The following INPP5A variants were observed in gnomAD, a reference collection of about 807,000 sequenced individuals.
INPP5A encodes the protein 43 kDa inositol polyphosphate 5-phophatase.
A neutral mutation model predicts 65.2 loss-of-function variants in INPP5A; 14 were observed. The ratio of observed to expected loss-of-function variants is 0.21; its 90% CI spans 0.14 to 0.34. The LOEUF is 0.34. INPP5A is among the 10% of genes least tolerant of loss of function. The probability of loss-of-function intolerance (pLI) is 1.00; values close to 1 mark genes in which losing one functional copy is unlikely to be tolerated. For missense variants in INPP5A, 431 were observed against 545.6 expected (o/e 0.79, Z 2.09); for synonymous variants, 207 against 208.3 (o/e 0.99, Z 0.05).
At chr10:132,570,914 G>C (rs747977872) in intron 1 of INPP5A, among the ~76,000 whole-genome samples, 1 of 152,196 alleles carries the variant, frequency 6.6e-6, no homozygotes, top group African/African-American at 2.4e-5. Flanking sequence ...GCCTCTCATC[G>C]GCACAGCGGC....
At chr10:132,592,665 C>A (rs2071633191) in intron 1 of INPP5A, among the ~76,000 whole-genome samples, 1 of 152,192 alleles carries the variant, frequency 6.6e-6, no homozygotes, top group African/African-American at 2.4e-5. Context: ...CCTTGGCTTC[C>A]CAAAGTGCTC....
chr10:132,735,594 T>G (rs1041938591), intron 9 of INPP5A, among the ~76,000 whole-genome samples: 1 of 152,194 alleles, frequency 6.6e-6, no homozygotes, highest in Non-Finnish European at 1.5e-5. Flanking sequence ...CCTTGCCCCC[T>G]CGGTCCTGGG....
chr10:132,775,357 T>C (rs1847046571), intron 12 of INPP5A, among the ~76,000 whole-genome samples: 2 of 151,998 alleles, frequency 1.3e-5, no homozygotes, highest in Admixed American at 1.3e-4. Context: ...AGGTATGCTT[T>C]CAGATAAGCC....
Position 132,586,916 on chromosome 10 carries a change from T to C in INPP5A, c.76-20999T>C, listed in dbSNP as rs186624378. Among the ~76,000 whole-genome samples, 240 of 152,304 alleles carry C rather than the reference T, an allele frequency of 1.6e-3. 3 individuals carry two copies. The highest frequency in any genetic ancestry group is 9.7e-3 in the South Asian group (47 of 4,830). On this transcript the variant is annotated intron_variant, in intron 1 of 15. Coordinates refer to ENST00000368594, the MANE Select transcript of INPP5A (RefSeq NM_005539.5). ...TGTGGTTCTCTGCTTGTGCCCACTT[T>C]GTGTTTGTAAATAGCGAGTCGGAGT... is the stretch of plus-strand genomic sequence containing the variant.
chr10:132,730,571 G>GTGTGGGGCT (rs1164139774), intron 9 of INPP5A, among the ~76,000 whole-genome samples: 2 of 152,254 alleles, frequency 1.3e-5, no homozygotes, highest in African/African-American at 4.8e-5. Context: ...AAGACAGCGG[G>GTGTGGGGCT]TGTGGGGCTT....
intron 11 of INPP5A, among the ~76,000 whole-genome samples, chr10:132,755,399 C>T (rs866718767): frequency 5.7e-5 from 8 of 141,256 alleles, no homozygotes; most frequent in African/African-American, 1.3e-4. Context: ...CAGGTGTGAG[C>T]GAGTGTGTGT....
At chr10:132,770,568 C>T (rs11146509) in intron 12 of INPP5A, among the ~76,000 whole-genome samples, 2,852 of 152,340 alleles carry the variant, frequency 0.019, 76 homozygotes, top group African/African-American at 0.064. Context: ...CGCAGAGCCT[C>T]GCTGGCCGCC....
At chr10:132,597,975 C>G (rs945363951) in intron 1 of INPP5A, among the ~76,000 whole-genome samples, 3 of 152,182 alleles carry the variant, frequency 2.0e-5, no homozygotes, top group Non-Finnish European at 4.4e-5. Context: ...GTGCGTGTTC[C>G]CGGGCTGTGC....
chr10:132,688,709 GAA>G (rs1845193846), intron 4 of INPP5A, among the ~76,000 whole-genome samples: 1 of 148,410 alleles, frequency 6.7e-6, no homozygotes, highest in African/African-American at 2.6e-5. Context: ...GTGCAAGTGT[GAA>G]CAAGTGCATT....
At position 132,690,463 on chromosome 10, in the gene INPP5A, T is replaced by C; in HGVS notation, c.370+8T>C. On this transcript the variant is annotated splice_region_variant and intron_variant, in intron 5 of 15. Transcript: ENST00000368594. Reference sequence around the variant, plus strand: ...ACCAGTTTGACTTTAAAGGTAAGACTGCGTGCCGTCTTCCGGGATTTTGTC... The same window carrying C: ...ACCAGTTTGACTTTAAAGGTAAGACCGCGTGCCGTCTTCCGGGATTTTGTC... 1.9e-6 allele frequency: 3 copies of C among 1,605,184 alleles called. No individual in the cohort carries two copies. Among genetic ancestry groups the C allele is most frequent in the Non-Finnish European group, 2.6e-6 (3 of 1,172,444 alleles).
At position 132,707,822 on chromosome 10, in the gene INPP5A, C is replaced by T. The variant is rs562096997; in HGVS notation, c.475-491C>T. On this transcript the variant is annotated intron_variant, in intron 6 of 15. Coordinates refer to ENST00000368594, the MANE Select transcript of INPP5A (RefSeq NM_005539.5). The surrounding 1 kb of genome is among the most constrained non-coding windows in gnomAD (Gnocchi z 5.5). ...AGAGGCATCGGTGGGTGAACGGCAT[C>T]GGTGGGTGAGAGGCATCGGTGGGTG... 2.2e-4 allele frequency among the ~76,000 whole-genome samples: 34 copies of T among 152,136 alleles called. No individual in the cohort carries two copies. The highest frequency in any genetic ancestry group is 4.1e-4 in the South Asian group (2 of 4,822).
intron 6 of INPP5A, among the ~76,000 whole-genome samples, chr10:132,701,626 C>T (rs1314859420): frequency 2.0e-5 from 3 of 152,234 alleles, no homozygotes; most frequent in Admixed American, 6.5e-5. Context: ...CTCTGGAGGA[C>T]AGTGTTGGGT....
chr10:132,625,204 C>T (rs1308924991), intron 2 of INPP5A, among the ~76,000 whole-genome samples: 5 of 150,028 alleles, frequency 3.3e-5, no homozygotes, highest in Non-Finnish European at 7.4e-5. Flanking sequence ...CTCCCTCTGA[C>T]GGCACCTCTG....
chr10:132,704,604 G>A lies in INPP5A; in HGVS notation c.475-3709G>A, dbSNP rs7898237. 5.7e-3 allele frequency among the ~76,000 whole-genome samples: 870 copies of A among 152,362 alleles called. 5 individuals carry two copies. The highest frequency in any genetic ancestry group is 0.011 in the South Asian group (55 of 4,830). ...TTGAACCTGGCAGCCTGGCAGTCCT[G>A]TCTTACCCACTGCCTTGAGGCCCTG... is the stretch of plus-strand genomic sequence containing the variant. On this transcript the variant is annotated intron_variant, in intron 6 of 15. Transcript: ENST00000368594. This position sits in a 1 kb window ranked among gnomAD's most constrained non-coding sequence, Gnocchi z 4.5.
At chr10:132,755,064 C>T (rs148711014) in intron 11 of INPP5A, among the ~76,000 whole-genome samples, 93 of 150,666 alleles carry the variant, frequency 6.2e-4, no homozygotes, top group Middle Eastern at 3.4e-3. Flanking sequence ...TGATCATATG[C>T]GTGTGTGTGA....
At position 132,727,660 on chromosome 10, in the gene INPP5A, T is replaced by A. The variant is rs562446648; in HGVS notation, c.732+755T>A. Among the ~76,000 whole-genome samples, 1 of 152,212 alleles carries A rather than the reference T, an allele frequency of 6.6e-6. No homozygotes were observed. The highest frequency in any genetic ancestry group is 2.1e-4 in the South Asian group (1 of 4,816). ...GGTGTGGGAAATGGTGGAGCACCTG[T>A]TGCCCACCCGCCCTGGCCCTGCTGC... is the stretch of plus-strand genomic sequence containing the variant. On this transcript the variant is annotated intron_variant, in intron 9 of 15. Coordinates refer to ENST00000368594, the MANE Select transcript of INPP5A (RefSeq NM_005539.5). The surrounding 1 kb of genome is among the most constrained non-coding windows in gnomAD (Gnocchi z 6.5).
At chr10:132,570,398 G>A (rs899992259) in intron 1 of INPP5A, among the ~76,000 whole-genome samples, 1 of 152,188 alleles carries the variant, frequency 6.6e-6, no homozygotes, top group African/African-American at 2.4e-5. Context: ...CCTGGGAAGC[G>A]GGAGGAGTTC....
intron 13 of INPP5A, among the ~76,000 whole-genome samples, chr10:132,779,039 G>A (rs1565016235): frequency 1.3e-5 from 2 of 152,254 alleles, no homozygotes; most frequent in African/African-American, 4.8e-5. Context: ...GCTGTGAGGA[G>A]CCTGCCTGGT....
chr10:132,635,741 G>A (rs186366264), intron 2 of INPP5A, among the ~76,000 whole-genome samples: 1 of 151,848 alleles, frequency 6.6e-6, no homozygotes, highest in East Asian at 1.9e-4. Context: ...GAGGTGGGAG[G>A]GTTGCTTGAG....
Sources: allele counts gnomAD v4.1 joint callset (sites outside exome capture counted in the v4.1 genomes callset), GRCh38; gene constraint gnomAD v4.1.1; non-coding constraint Gnocchi (gnomAD v3.1); transcripts MANE v1.5; gene names NCBI Gene and HGNC (gene_info 2026-07-23, HGNC 2026-07-21).